The following DAAM2 variants were observed in gnomAD, a reference collection of about 807,000 sequenced individuals.
DAAM2 encodes the protein disheveled-associated activator of morphogenesis 2.
A neutral mutation model predicts 120.7 loss-of-function variants in DAAM2; 39 were observed. The observed-to-expected ratio is 0.32, with a 90% CI of 0.25 to 0.42. The LOEUF is 0.42. Ranked by LOEUF, DAAM2 falls within the 10% of genes least tolerant of loss-of-function variation. The pLI is 1.00. For missense variants in DAAM2, 1,283 were observed against 1,401.7 expected, an observed-to-expected ratio of 0.92 and a Z score of 1.35; for synonymous variants, 488 against 524.9, an observed-to-expected ratio of 0.93 and a Z score of 0.96.
intron 14 of DAAM2, among the ~76,000 whole-genome samples, chr6:39,880,887 G>A (rs574092560): frequency 6.6e-6 from 1 of 152,282 alleles, no homozygotes; most frequent in African/African-American, 2.4e-5. Context: ...GTGCTCTGTG[G>A]CCATGAGGTG....
intron 7 of DAAM2, 61 bp from the exon 8 acceptor site, chr6:39,870,279 T>C (rs949301943): frequency 1.9e-6 from 2 of 1,045,620 alleles, no homozygotes; most frequent in African/African-American, 3.2e-5. Flanking sequence ...AGGGCTCCAC[T>C]GGGGATGTTG....
chr6:39,860,601 G>A (rs1347701358), intron 2 of DAAM2, among the ~76,000 whole-genome samples: 1 of 152,184 alleles, frequency 6.6e-6, no homozygotes, highest in Non-Finnish European at 1.5e-5. Flanking sequence ...AGGGCGAGAG[G>A]ATCAGGAGCT....
chr6:39,860,441 A>AGAGAT (rs1764165161), intron 2 of DAAM2, among the ~76,000 whole-genome samples: 1 of 152,228 alleles, frequency 6.6e-6, no homozygotes, highest in African/African-American at 2.4e-5. Context: ...TGTCTAGGGC[A>AGAGAT]GAGATTCGAA....
intron 15 of DAAM2, chr6:39,887,084 T>C (rs1025864308): frequency 2.4e-5 from 4 of 168,130 alleles, no homozygotes; most frequent in African/African-American, 7.2e-5. Context: ...GGCCTCTGGG[T>C]TGGGCAGTGG....
At chr6:39,815,201 G>A (rs530164914) in intron 1 of DAAM2, among the ~76,000 whole-genome samples, 7 of 152,344 alleles carry the variant, frequency 4.6e-5, no homozygotes, top group African/African-American at 1.7e-4. Flanking sequence ...CCTGGGAACT[G>A]CTGGTCTGGA....
At chr6:39,879,666 G>A (rs952237126) in intron 14 of DAAM2, 189 bp downstream of exon 14, 17 of 696,794 alleles carry the variant, frequency 2.4e-5, no homozygotes, top group Non-Finnish European at 3.6e-5. Flanking sequence ...CACCTACCCT[G>A]GGAGAGATGC....
At chr6:39,828,783 G>A (rs927599945) in intron 1 of DAAM2, among the ~76,000 whole-genome samples, 2 of 151,856 alleles carry the variant, frequency 1.3e-5, no homozygotes, top group African/African-American at 4.8e-5. Context: ...GGATGGTGTT[G>A]ATCTCCTGAC....
intron 2 of DAAM2, among the ~76,000 whole-genome samples, chr6:39,857,793 T>A (rs1764063991): frequency 6.6e-6 from 1 of 152,110 alleles, no homozygotes; most frequent in Non-Finnish European, 1.5e-5. Context: ...TGAACAATAT[T>A]TCTTGGAGAG....
rs572020991 is a variant in DAAM2, at chr6:39,884,075, A to C, written c.1953+6A>C. 3.3e-6 allele frequency: 5 copies of C among 1,495,246 alleles called. No homozygotes were observed. Among genetic ancestry groups the C allele is most frequent in the East Asian group, 4.5e-5 (2 of 43,970 alleles). 92.6% of individuals were successfully genotyped at this position (1,495,246 alleles called of 1,614,324 possible). A position where few individuals can be genotyped will look rare whatever the true frequency, so the allele number is the denominator to read the frequency against. On this transcript the variant is annotated splice_donor_region_variant and intron_variant, in intron 15 of 24. Transcript: ENST00000274867. ...CAGCCTACCAGAGGCACCAGGTAAG[A>C]CCCTATACCCTCTGGCCTCTTGGAC... is the stretch of plus-strand genomic sequence containing the variant.
rs1349741749 is a variant in DAAM2, at chr6:39,861,057, T to C, written c.258+40T>C. 2.7e-6 allele frequency: 4 copies of C among 1,497,126 alleles called. No individual in the cohort carries two copies. In the East Asian group the frequency reaches 9.4e-5, roughly 35 times the overall value. 92.7% of individuals were successfully genotyped at this position (1,497,126 alleles called of 1,614,324 possible). ...CCCTCTGGCCACATCTCAGGGTTCA[T>C]GGCATGGGGTGGCTCTTGCTGCCTT... On this transcript the variant is annotated intron_variant, in intron 3 of 24. Transcript: ENST00000274867.
chr6:39,887,908 AGAACAAACAGGGCAGTATCT>A, intron 16 of DAAM2: 1 of 330,222 alleles, frequency 3.0e-6, no homozygotes, highest in East Asian at 7.7e-5. Flanking sequence ...CCGCGGCTGC[AGAACAAACAGGGCAGTATCT>A]GCGCTAACAG....
chr6:39,858,812 C>G lies in DAAM2; in HGVS notation c.169-2116C>G, dbSNP rs149299114. On this transcript the variant is annotated intron_variant, in intron 2 of 24. Coordinates refer to ENST00000274867, the MANE Select transcript of DAAM2 (RefSeq NM_001201427.2). Reference sequence around the variant, plus strand: ...AGAGAGTTTGAGATAATAACTGAGTCCTGGGGAACAGGTGAGGGAGGATGG... The same window carrying G: ...AGAGAGTTTGAGATAATAACTGAGTGCTGGGGAACAGGTGAGGGAGGATGG... Among the ~76,000 whole-genome samples, 11 of 152,034 alleles carry G rather than the reference C, an allele frequency of 7.2e-5. 1 individual carries two copies. Among genetic ancestry groups the G allele is most frequent in the African/African-American group, 2.7e-4 (11 of 41,458 alleles).
intron 21 of DAAM2, among the ~76,000 whole-genome samples, chr6:39,898,217 AG>A (rs1766237539): frequency 6.6e-6 from 1 of 152,200 alleles, no homozygotes; most frequent in African/African-American, 2.4e-5. Context: ...TCCCACCCAA[AG>A]GGCAAGGTTG....
chr6:39,829,134 C>T (rs10046352), intron 1 of DAAM2, among the ~76,000 whole-genome samples: 12,144 of 152,208 alleles, frequency 0.08, 945 homozygotes, highest in East Asian at 0.32. Flanking sequence ...ACCAGCTTCA[C>T]GGGATGCTGT....
rs984536182 is a variant in DAAM2, at chr6:39,879,490, G to A, written c.1845+13G>A. 9.9e-6 allele frequency: 16 copies of A among 1,613,918 alleles called. No individual in the cohort carries two copies. The highest frequency in any genetic ancestry group is 1.3e-5 in the African/African-American group (1 of 74,942). Reference sequence around the variant, plus strand: ...GAAGCTGAATGAGGTGAGCATCTGGGAAGGGGCTGGAGGGCCCATTCTTCT... The same window carrying A: ...GAAGCTGAATGAGGTGAGCATCTGGAAAGGGGCTGGAGGGCCCATTCTTCT... On this transcript the variant is annotated intron_variant, in intron 14 of 24. Transcript: ENST00000274867.
intron 1 of DAAM2, among the ~76,000 whole-genome samples, chr6:39,854,582 TG>T (rs774078880): frequency 2.6e-5 from 4 of 152,202 alleles, no homozygotes; most frequent in Non-Finnish European, 5.9e-5. Context: ...GCATGATGTA[TG>T]AGAGGCCAGA....
At position 39,896,837 on chromosome 6, in the gene DAAM2, G is replaced by A. The variant is rs765500837; in HGVS notation, c.2367G>A (p.Leu789=). ...CCATCCTGTTGGCCTCCCGGGAGCTGGTCCGCAGCAAGCGTCTTAGACAGA... is the reference window on the plus strand; with the variant it reads ...CCATCCTGTTGGCCTCCCGGGAGCTAGTCCGCAGCAAGCGTCTTAGACAGA... ...VEAILLASRE[L]VRSKRLRQML... The change falls in exon 20 of 25, where the codon CTG becomes CTA. Residue 789 remains leucine (L), a synonymous_variant. Coordinates refer to ENST00000274867, the MANE Select transcript of DAAM2 (RefSeq NM_001201427.2). 3.7e-6 allele frequency: 6 copies of A among 1,607,274 alleles called. No homozygotes were observed. In the East Asian group the frequency reaches 1.3e-4, roughly 36 times the overall value.
chr6:39,883,063 G>A (rs898753900), intron 14 of DAAM2, among the ~76,000 whole-genome samples: 3 of 152,180 alleles, frequency 2.0e-5, no homozygotes, highest in Non-Finnish European at 4.4e-5. Context: ...ATTCTATGCT[G>A]AAGGACAGCA....
rs1342906122 is a variant in DAAM2, at chr6:39,807,560, A to C, written c.-57+15095A>C. Among the ~76,000 whole-genome samples the C allele has an allele frequency of 5.3e-5, 8 of 152,296 alleles. No individual in the cohort carries two copies. The East Asian group carries it at 1.4e-3, about 26-fold the overall frequency. Reference sequence around the variant, plus strand: ...GAGACAGAGTCTCACTCTGTCACCCAGACAGGAGTGCAATGGCGTGACCTC... The same window carrying C: ...GAGACAGAGTCTCACTCTGTCACCCCGACAGGAGTGCAATGGCGTGACCTC... On this transcript the variant is annotated intron_variant, in intron 1 of 24. Transcript: ENST00000274867.
Sources: allele counts gnomAD v4.1 joint callset (sites outside exome capture counted in the v4.1 genomes callset), GRCh38; gene constraint gnomAD v4.1.1; transcripts MANE v1.5; gene names NCBI Gene and HGNC (gene_info 2026-07-23, HGNC 2026-07-21).